Variants in ADAMTS17 observed in about 807,000 individuals in gnomAD.
ADAMTS17 encodes ADAM metallopeptidase with thrombospondin type 1 motif 17.
Under a neutral mutation model 141.5 loss-of-function variants are expected in ADAMTS17, and 113 were observed. The observed-to-expected ratio is 0.80, with a 90% CI of 0.69 to 0.93. The LOEUF is 0.93. Among genes scored for constraint, ADAMTS17 ranks in the 40% least tolerant of loss-of-function variants. The probability of loss-of-function intolerance (pLI) is 0.00; values close to 1 mark genes in which losing one functional copy is unlikely to be tolerated. For synonymous variants in ADAMTS17, 768 were observed against 630.6 expected (o/e 1.22, Z -3.27); for missense variants, 1,659 against 1,517.9 (o/e 1.09, Z -1.54).
At chr15:100,117,108 G>C in intron 12 of ADAMTS17, 95 bp from the exon 13 acceptor site, 4 of 1,469,448 alleles carry the variant, frequency 2.7e-6, no homozygotes, top group South Asian at 1.2e-5. Context: ...GGAGAGGAAG[G>C]GGGCAGGGCA....
intron 16 of ADAMTS17, 87 bp from the exon 17 acceptor site, chr15:100,051,818 G>A (rs1426135183): frequency 1.3e-6 from 2 of 1,547,408 alleles, no homozygotes; most frequent in African/African-American, 2.7e-5. Flanking sequence ...GCACACTGCG[G>A]CTGTTTCTTT....
intron 10 of ADAMTS17, among the ~76,000 whole-genome samples, chr15:100,138,670 A>C (rs2038461001): frequency 6.6e-6 from 1 of 152,222 alleles, no homozygotes. Flanking sequence ...GTATGTGTCT[A>C]ATCAGACCCA....
At chr15:100,042,012 A>AC (rs1282406016) in intron 18 of ADAMTS17, among the ~76,000 whole-genome samples, 1 of 152,166 alleles carries the variant, frequency 6.6e-6, no homozygotes, top group East Asian at 1.9e-4. Context: ...AATAAAGTTC[A>AC]CACCATGGGA....
intron 15 of ADAMTS17, among the ~76,000 whole-genome samples, chr15:100,078,959 A>G (rs1162370939): frequency 6.6e-6 from 1 of 152,228 alleles, no homozygotes. Context: ...AAGCAAATAA[A>G]AAGATGCTAA....
intron 10 of ADAMTS17, among the ~76,000 whole-genome samples, chr15:100,147,304 C>T (rs2038954903): frequency 1.3e-5 from 2 of 152,084 alleles, no homozygotes; most frequent in African/African-American, 4.8e-5. Context: ...GGGCAAATTC[C>T]CTGATAGTTA....
At position 99,982,926 on chromosome 15, in the gene ADAMTS17, GA is replaced by G. The variant is rs142903370; in HGVS notation, c.2950-6705del. 3.1e-3 allele frequency among the ~76,000 whole-genome samples: 468 copies of G among 152,268 alleles called. 1 individual carries two copies. The highest frequency in any genetic ancestry group is 0.011 in the African/African-American group (437 of 41,546). On this transcript the variant is annotated intron_variant, in intron 20 of 21. Coordinates refer to ENST00000268070, the MANE Select transcript of ADAMTS17 (RefSeq NM_139057.4). ...CCCAGGCAGGGAGGGGGTGTCACTG[GA>G]AAAAACAGGAACAAAATTGTTGATG...
intron 3 of ADAMTS17, among the ~76,000 whole-genome samples, chr15:100,288,053 G>C (rs969423947): frequency 6.6e-6 from 1 of 152,168 alleles, no homozygotes; most frequent in African/African-American, 2.4e-5. Context: ...CCAGTCAAAA[G>C]TCACAAAGTG....
intron 4 of ADAMTS17, among the ~76,000 whole-genome samples, chr15:100,268,930 A>T (rs2043811034): frequency 6.6e-6 from 1 of 151,972 alleles, no homozygotes. Context: ...CAAAAACAAG[A>T]CACACAGACC....
intron 12 of ADAMTS17, among the ~76,000 whole-genome samples, chr15:100,119,177 G>A (rs114090718): frequency 0.021 from 3,208 of 151,774 alleles, 100 homozygotes; most frequent in African/African-American, 0.063. Flanking sequence ...AACCAACCCT[G>A]TCGACACCCT....
intron 17 of ADAMTS17, 51 bp downstream of exon 17, chr15:100,051,521 T>G (rs2032142692): frequency 6.2e-7 from 1 of 1,611,512 alleles, no homozygotes; most frequent in Non-Finnish European, 8.5e-7. Context: ...GCCTTTCTCC[T>G]TCCTTCAGCA....
intron 2 of ADAMTS17, 64 bp from the exon 3 acceptor site, chr15:100,331,118 C>A (rs781188318): frequency 2.4e-5 from 38 of 1,600,526 alleles, no homozygotes; most frequent in Admixed American, 8.6e-5. Context: ...CCATGGCCCC[C>A]CGGAGGGGCA....
At chr15:100,151,021 C>T (rs941772053) in intron 10 of ADAMTS17, among the ~76,000 whole-genome samples, 2 of 152,256 alleles carry the variant, frequency 1.3e-5, no homozygotes, top group Admixed American at 6.5e-5. Flanking sequence ...ACTCAAGCCA[C>T]ACAGTGGCTG....
chr15:100,158,460 C>G lies in ADAMTS17; in HGVS notation c.1182-3140G>C, dbSNP rs928733451. ...ACTGTATTTCACAGTGGTAAAAACACTTCACATGAGAGCTGCCCTCTGAAG... is the reference window on the plus strand; with the variant it reads ...ACTGTATTTCACAGTGGTAAAAACAGTTCACATGAGAGCTGCCCTCTGAAG... On this transcript the variant is annotated intron_variant, in intron 8 of 21. Transcript: ENST00000268070. 3.3e-5 allele frequency among the ~76,000 whole-genome samples: 5 copies of G among 152,172 alleles called. No individual in the cohort carries two copies. In the East Asian group the frequency reaches 9.6e-4, roughly 29 times the overall value.
At chr15:100,002,568 C>T (rs914320175) in intron 18 of ADAMTS17, among the ~76,000 whole-genome samples, 4 of 152,100 alleles carry the variant, frequency 2.6e-5, no homozygotes, top group Admixed American at 6.5e-5. Flanking sequence ...GCCGTCACCT[C>T]GCTGACTTAA....
chr15:100,113,153 C>T (rs1033101836), intron 13 of ADAMTS17, among the ~76,000 whole-genome samples: 3 of 152,174 alleles, frequency 2.0e-5, no homozygotes, highest in Admixed American at 6.5e-5. Context: ...GCAGTGAGCA[C>T]CTGCCCATAG....
intron 8 of ADAMTS17, among the ~76,000 whole-genome samples, chr15:100,183,475 C>T (rs1016779895): frequency 1.3e-5 from 2 of 152,116 alleles, no homozygotes; most frequent in Admixed American, 1.3e-4. Context: ...TATATTTTTT[C>T]AGTTCTATAA....
At chr15:100,005,277 A>C (rs1450117225) in intron 18 of ADAMTS17, among the ~76,000 whole-genome samples, 2 of 152,148 alleles carry the variant, frequency 1.3e-5, no homozygotes, top group African/African-American at 2.4e-5. Context: ...CCCCCAACTT[A>C]ATGGCTCAAA....
At chr15:100,037,929 T>C (rs1324565219) in intron 18 of ADAMTS17, among the ~76,000 whole-genome samples, 1 of 150,456 alleles carries the variant, frequency 6.6e-6, no homozygotes, top group African/African-American at 2.5e-5. Flanking sequence ...CACACTACCA[T>C]ACCAGGCTAA....
At chr15:100,026,441 T>C (rs2061516762) in intron 18 of ADAMTS17, among the ~76,000 whole-genome samples, 1 of 152,222 alleles carries the variant, frequency 6.6e-6, no homozygotes, top group South Asian at 2.1e-4. Flanking sequence ...AGCAACTCCA[T>C]CTTGAATGCT....
Sources: allele counts gnomAD v4.1 joint callset (sites outside exome capture counted in the v4.1 genomes callset), GRCh38; gene constraint gnomAD v4.1.1; transcripts MANE v1.5; gene names NCBI Gene and HGNC (gene_info 2026-07-23, HGNC 2026-07-21).